TBC1D12: variants seen among roughly 807,000 people sequenced by gnomAD.
TBC1D12 encodes TBC1 domain family, member 12.
TBC1D12 carries 56 observed loss-of-function variants against 86.7 expected under a neutral mutation model. The observed-to-expected ratio is 0.65, with a 90% CI of 0.52 to 0.81. The LOEUF is 0.81. Among genes scored for constraint, TBC1D12 ranks in the 30% least tolerant of loss-of-function variants. The probability of loss-of-function intolerance (pLI) is 0.00; values close to 1 mark genes in which losing one functional copy is unlikely to be tolerated. For synonymous variants in TBC1D12, 421 were observed against 411.7 expected, an observed-to-expected ratio of 1.02 and a Z score of -0.27; for missense variants, 1,023 against 1,038.8, an observed-to-expected ratio of 0.98 and a Z score of 0.21.
intron 11 of TBC1D12, among the ~76,000 whole-genome samples, chr10:94,527,974 G>A (rs1007469300): frequency 5.3e-5 from 8 of 151,272 alleles, no homozygotes; most frequent in African/African-American, 1.9e-4. Context: ...GGGTTACTAT[G>A]GCTTTGTAGT....
intron 12 of TBC1D12, among the ~76,000 whole-genome samples, chr10:94,532,493 A>G (rs1405187080): frequency 2.0e-5 from 3 of 152,156 alleles, no homozygotes; most frequent in Admixed American, 6.5e-5. Context: ...TATTTTATTT[A>G]AGTCCAGTAT....
chr10:94,481,392 T>A (rs1274670123), intron 3 of TBC1D12, among the ~76,000 whole-genome samples: 2 of 152,180 alleles, frequency 1.3e-5, no homozygotes, highest in Non-Finnish European at 2.9e-5. Context: ...TCATGAGTGA[T>A]CTTAGTGTAT....
intron 3 of TBC1D12, among the ~76,000 whole-genome samples, chr10:94,476,095 G>T (rs772595636): frequency 1.3e-5 from 2 of 151,360 alleles, no homozygotes; most frequent in African/African-American, 4.9e-5. Flanking sequence ...GCACACCACC[G>T]CACCTGGCTA....
At chr10:94,503,970 A>C (rs557632821) in intron 6 of TBC1D12, among the ~76,000 whole-genome samples, 2 of 152,346 alleles carry the variant, frequency 1.3e-5, no homozygotes, top group African/African-American at 4.8e-5. Context: ...AATAGAATTT[A>C]AAGGAAGAAT....
rs552857104 is a variant in TBC1D12 at position 94,415,238 on chromosome 10, T to A, written c.971+11654T>A. 4.3e-4 allele frequency among the ~76,000 whole-genome samples: 65 copies of A among 152,348 alleles called. 1 individual carries two copies. The highest frequency in any genetic ancestry group is 1.5e-3 in the African/African-American group (62 of 41,584). On this transcript the variant is annotated intron_variant, in intron 1 of 12. Coordinates refer to ENST00000225235, the MANE Select transcript of TBC1D12 (RefSeq NM_015188.2). The stretch of plus-strand genomic sequence containing the variant: ...AAACATCCCAACTGAATAAGTAGTT[T>A]CTGTATTTTTGAAGAGTGATAACAT...
chr10:94,410,728 G>A (rs558577548), intron 1 of TBC1D12, among the ~76,000 whole-genome samples: 1 of 152,160 alleles, frequency 6.6e-6, no homozygotes, highest in Non-Finnish European at 1.5e-5. Context: ...AAATTTAAGA[G>A]CAAAAACTTA....
At chr10:94,473,014 A>G (rs1218837676) in intron 2 of TBC1D12, among the ~76,000 whole-genome samples, 1 of 152,002 alleles carries the variant, frequency 6.6e-6, no homozygotes, top group Non-Finnish European at 1.5e-5. Context: ...GTAAGACCAA[A>G]TAAGTTGTTT....
At chr10:94,456,039 T>C (rs1463008961) in intron 2 of TBC1D12, among the ~76,000 whole-genome samples, 4 of 152,236 alleles carry the variant, frequency 2.6e-5, no homozygotes, top group South Asian at 4.1e-4. Context: ...CTTTCATTTC[T>C]GATATTAGTA....
chr10:94,473,876 A>C (rs2055947231), intron 2 of TBC1D12, among the ~76,000 whole-genome samples: 1 of 152,226 alleles, frequency 6.6e-6, no homozygotes, highest in South Asian at 2.1e-4. Flanking sequence ...TATTTTAATT[A>C]GAATTATCAG....
intron 6 of TBC1D12, among the ~76,000 whole-genome samples, chr10:94,502,911 T>TCCTA (rs1269452755): frequency 6.6e-6 from 1 of 152,226 alleles, no homozygotes; most frequent in East Asian, 1.9e-4. Flanking sequence ...CTATTCTTGA[T>TCCTA]CCTACTGTAA....
intron 2 of TBC1D12, among the ~76,000 whole-genome samples, chr10:94,466,421 TATA>T (rs2055825514): frequency 6.6e-6 from 1 of 152,084 alleles, no homozygotes; most frequent in South Asian, 2.1e-4. Context: ...ACAACATATA[TATA>T]TGTATATATG....
At chr10:94,492,158 A>C (rs567014024) in intron 3 of TBC1D12, among the ~76,000 whole-genome samples, 1 of 152,266 alleles carries the variant, frequency 6.6e-6, no homozygotes, top group South Asian at 2.1e-4. Context: ...GGTTAACTTA[A>C]TCTCAATTAA....
At chr10:94,437,332 CT>C (rs767605698) in intron 1 of TBC1D12, among the ~76,000 whole-genome samples, 95 of 145,470 alleles carry the variant, frequency 6.5e-4, no homozygotes, top group Admixed American at 7.6e-4. Context: ...TGGTTATTTT[CT>C]TTTTTTTTTT....
chr10:94,465,832 A>G (rs1321942244), intron 2 of TBC1D12, among the ~76,000 whole-genome samples: 2 of 151,470 alleles, frequency 1.3e-5, no homozygotes, highest in African/African-American at 4.8e-5. Context: ...ATATACGTAT[A>G]CGCATACATA....
chr10:94,441,452 T>C (rs1315636769), intron 1 of TBC1D12, among the ~76,000 whole-genome samples: 2 of 152,210 alleles, frequency 1.3e-5, no homozygotes, highest in Non-Finnish European at 2.9e-5. Context: ...CAGTCAATTC[T>C]AGTATACTTT....
At chr10:94,528,212 TG>T (rs901425587) in intron 11 of TBC1D12, among the ~76,000 whole-genome samples, 3 of 152,148 alleles carry the variant, frequency 2.0e-5, no homozygotes, top group African/African-American at 7.2e-5. Flanking sequence ...TCTATGAACA[TG>T]GGATGTCTTT....
At chr10:94,410,095 A>G (rs1395916599) in intron 1 of TBC1D12, among the ~76,000 whole-genome samples, 1 of 152,220 alleles carries the variant, frequency 6.6e-6, no homozygotes, top group Non-Finnish European at 1.5e-5. Context: ...AGGAACTTCT[A>G]TGATCACCTT....
intron 1 of TBC1D12, among the ~76,000 whole-genome samples, chr10:94,419,055 A>G (rs1198431152): frequency 6.6e-6 from 1 of 151,662 alleles, no homozygotes; most frequent in African/African-American, 2.4e-5. Context: ...TTGTATTTTT[A>G]GTAGAGATGG....
Position 94,524,507 on chromosome 10 carries a change from G to A in TBC1D12, c.2000+2054G>A, listed in dbSNP as rs530644716. 3.3e-5 allele frequency among the ~76,000 whole-genome samples: 5 copies of A among 152,166 alleles called. No individual in the cohort carries two copies. The South Asian group carries it at 1.0e-3, about 32-fold the overall frequency. On this transcript the variant is annotated intron_variant, in intron 11 of 12. Coordinates refer to ENST00000225235, the MANE Select transcript of TBC1D12 (RefSeq NM_015188.2). ...TGTAATCCCAGTACTTTGGGAGGCCGAGGCAGGCGGATCACGAGGTCAGGA... is the reference window on the plus strand; with the variant it reads ...TGTAATCCCAGTACTTTGGGAGGCCAAGGCAGGCGGATCACGAGGTCAGGA...
Sources: gnomAD v4.1 joint callset for allele counts (sites outside exome capture counted in the v4.1 genomes callset) on GRCh38, gnomAD v4.1.1 for gene constraint, MANE v1.5 for transcripts, NCBI Gene and HGNC (gene_info 2026-07-23, HGNC 2026-07-21) for gene names.